Variants in LAMC1 observed in about 807,000 individuals in gnomAD.
The protein encoded by LAMC1 is laminin subunit gamma 1.
In LAMC1, 38 loss-of-function variants were observed where a neutral mutation model predicts 173.6. The ratio of observed to expected loss-of-function variants is 0.22; its 90% confidence interval spans 0.17 to 0.29. The LOEUF is 0.29. Among genes scored for constraint, LAMC1 ranks in the 10% least tolerant of loss-of-function variants. LAMC1 has a pLI of 1.00. For missense variants in LAMC1, 1,824 were observed against 2,051.8 expected, an observed-to-expected ratio of 0.89 and a Z score of 2.14; for synonymous variants, 746 against 749.1, an observed-to-expected ratio of 1.00 and a Z score of 0.07.
At chr1:183,097,667 A>G (rs1252106155) in intron 1 of LAMC1, among the ~76,000 whole-genome samples, 1 of 152,218 alleles carries the variant, frequency 6.6e-6, no homozygotes. Context: ...TTTACCATGT[A>G]GGAGGCTTAA....
intron 1 of LAMC1, among the ~76,000 whole-genome samples, chr1:183,040,006 G>A (rs910300047): frequency 1.3e-5 from 2 of 152,178 alleles, no homozygotes; most frequent in Non-Finnish European, 2.9e-5. Flanking sequence ...TTGTTCCCTC[G>A]AGGGAGACTG....
At chr1:183,077,784 A>ATATATATATATATATATATATATC (rs1655156860) in intron 1 of LAMC1, among the ~76,000 whole-genome samples, 1 of 105,362 alleles carries the variant, frequency 9.5e-6, no homozygotes, top group African/African-American at 2.9e-5. Context: ...GTGTATATAT[A>ATATATATATATATATATATATATC]TATATATATA....
chr1:183,125,021 C>T, intron 14 of LAMC1, 145 bp downstream of exon 14: 1 of 1,094,418 alleles, frequency 9.1e-7, no homozygotes, highest in Non-Finnish European at 1.3e-6. Flanking sequence ...TTTCTAGTCA[C>T]CACATTAAAA....
intron 11 of LAMC1, among the ~76,000 whole-genome samples, chr1:183,118,449 G>A (rs978422070): frequency 2.0e-5 from 3 of 152,070 alleles, no homozygotes; most frequent in African/African-American, 4.8e-5. Context: ...TAGGCTAGGC[G>A]CAGTTGCTTA....
At chr1:183,137,606 G>A (rs1353959897) in intron 25 of LAMC1, 63 bp from the exon 26 acceptor site, 17 of 1,015,672 alleles carry the variant, frequency 1.7e-5, no homozygotes, top group South Asian at 6.5e-5. Context: ...TAAAAGGAGC[G>A]GGAGCATACT....
chr1:183,107,936 C>T (rs1656030170), intron 2 of LAMC1, among the ~76,000 whole-genome samples: 1 of 152,214 alleles, frequency 6.6e-6, no homozygotes, highest in South Asian at 2.1e-4. Context: ...ATTTGGGGTC[C>T]AGATACAGGA....
intron 1 of LAMC1, among the ~76,000 whole-genome samples, chr1:183,024,837 C>CT (rs1558024738): frequency 6.6e-6 from 1 of 152,190 alleles, no homozygotes; most frequent in African/African-American, 2.4e-5. Context: ...ACTGTCTTCC[C>CT]TTTTGCTTTC....
intron 16 of LAMC1, among the ~76,000 whole-genome samples, 176 bp downstream of exon 16, chr1:183,126,438 A>T (rs942311244): frequency 3.3e-5 from 5 of 152,220 alleles, no homozygotes; most frequent in African/African-American, 1.2e-4. Context: ...AACTCTGCAG[A>T]TCAAAGCCTT....
At chr1:183,026,753 G>A (rs1231850469) in intron 1 of LAMC1, among the ~76,000 whole-genome samples, 1 of 151,990 alleles carries the variant, frequency 6.6e-6, no homozygotes, top group Non-Finnish European at 1.5e-5. Context: ...TTTTGATGTT[G>A]AACTTTAAAT....
chr1:183,110,527 C>G lies in LAMC1; in HGVS notation c.894C>G (p.Asn298Lys). ...GACACGCAAGCGAGTGTATGAAGAA[C>G]GAATTTGATAAGCTGGTGTGTAATT... ...CNGHASECMK[N>K]EFDKLVCNCK... The change falls in exon 4 of 28, where the codon AAC (asparagine) becomes AAG (lysine). Residue 298 changes from asparagine (N) to lysine (K), a missense_variant. Physicochemically the swap from Asn to Lys is moderately conservative, Grantham distance 94. Coordinates refer to ENST00000258341, the MANE Select transcript of LAMC1 (RefSeq NM_002293.4). 2 of 1,613,214 alleles carry G rather than the reference C, an allele frequency of 1.2e-6. No individual in the cohort carries two copies. Among genetic ancestry groups the G allele is most frequent in the Non-Finnish European group, 1.7e-6 (2 of 1,179,530 alleles).
intron 1 of LAMC1, among the ~76,000 whole-genome samples, chr1:183,055,091 C>T (rs1431658697): frequency 6.6e-6 from 1 of 151,272 alleles, no homozygotes; most frequent in African/African-American, 2.4e-5. Flanking sequence ...CGGGTTCAAG[C>T]GATTCTCCTG....
intron 1 of LAMC1, among the ~76,000 whole-genome samples, chr1:183,027,180 C>G (rs1653711089): frequency 6.6e-6 from 1 of 152,292 alleles, no homozygotes; most frequent in South Asian, 2.1e-4. Flanking sequence ...CATACACAGT[C>G]ATCCAGGGTG....
chr1:183,032,087 ATTT>A, intron 1 of LAMC1, among the ~76,000 whole-genome samples: 2 of 152,298 alleles, frequency 1.3e-5, no homozygotes, highest in South Asian at 4.1e-4. Flanking sequence ...CATTCCTGAG[ATTT>A]TAGAGTACTG....
intron 1 of LAMC1, among the ~76,000 whole-genome samples, chr1:183,027,156 G>C (rs4369195): frequency 0.5 from 75,766 of 151,908 alleles, 19,603 homozygotes; most frequent in South Asian, 0.64. Context: ...TGAAAACAGC[G>C]CTCTCTTAAG....
chr1:183,104,948 G>C (rs10797836), intron 2 of LAMC1, among the ~76,000 whole-genome samples: 78,373 of 151,586 alleles, frequency 0.52, 20,942 homozygotes, highest in South Asian at 0.65. Context: ...GTGGCTCATG[G>C]CTGTAATACC....
At chr1:183,089,945 A>G (rs1469975068) in intron 1 of LAMC1, among the ~76,000 whole-genome samples, 1 of 152,136 alleles carries the variant, frequency 6.6e-6, no homozygotes. Flanking sequence ...TAAGTAACAA[A>G]CCAGAAGATT....
intron 1 of LAMC1, among the ~76,000 whole-genome samples, chr1:183,071,355 A>G (rs1655007552): frequency 6.6e-6 from 1 of 150,412 alleles, no homozygotes; most frequent in Non-Finnish European, 1.5e-5. Context: ...GTGTCCAGAT[A>G]CAGCTGTAAT....
At chr1:183,134,436 T>C (rs1319791266) in intron 22 of LAMC1, among the ~76,000 whole-genome samples, 1 of 152,218 alleles carries the variant, frequency 6.6e-6, no homozygotes, top group Non-Finnish European at 1.5e-5. Flanking sequence ...GTGTTGGTTA[T>C]GCAGAAATGC....
chr1:183,076,642 A>C (rs1301040111), intron 1 of LAMC1, among the ~76,000 whole-genome samples: 1 of 152,214 alleles, frequency 6.6e-6, no homozygotes, highest in Non-Finnish European at 1.5e-5. Flanking sequence ...CTTTAGGAAG[A>C]GACAGTGTAC....
Sources: allele counts gnomAD v4.1 joint callset (sites outside exome capture counted in the v4.1 genomes callset), GRCh38; gene constraint gnomAD v4.1.1; transcripts MANE v1.5; gene names NCBI Gene and HGNC (gene_info 2026-07-23, HGNC 2026-07-21).